Variants in KLF12 observed in about 807,000 individuals in gnomAD.
KLF12 encodes Krueppel-like factor 12.
Under a neutral mutation model 37.8 loss-of-function variants are expected in KLF12, and 9 were observed. The ratio of observed to expected loss-of-function variants is 0.24; its 90% CI spans 0.14 to 0.42. KLF12 has a LOEUF of 0.42. Among genes scored for constraint, KLF12 ranks in the 10% least tolerant of loss-of-function variants. The pLI, the probability that KLF12 is intolerant of heterozygous loss-of-function variation, is 1.00. For synonymous variants in KLF12, 208 were observed against 202.1 expected (o/e 1.03, Z -0.25); for missense variants, 411 against 516.0 (o/e 0.80, Z 1.97).
chr13:74,269,284 G>GTC, the KLF12 span, among the ~76,000 whole-genome samples: 24 of 151,826 alleles, frequency 1.6e-4, no homozygotes, highest in Non-Finnish European at 2.6e-4. Flanking sequence ...TACTTGCTCT[G>GTC]TCTCTCTCTC....
intron 4 of KLF12, among the ~76,000 whole-genome samples, chr13:73,826,472 T>C (rs189060921): frequency 6.6e-6 from 1 of 152,316 alleles, no homozygotes; most frequent in East Asian, 1.9e-4. Context: ...TCATGTCAAG[T>C]CATTTCTTAG....
chr13:73,934,605 T>C (rs1334547145), intron 3 of KLF12, among the ~76,000 whole-genome samples: 1 of 152,168 alleles, frequency 6.6e-6, no homozygotes, highest in African/African-American at 2.4e-5. Context: ...TTATCTTCCT[T>C]CATGTGTAAG....
chr13:73,733,065 A>G (rs1171696769), intron 6 of KLF12, among the ~76,000 whole-genome samples: 2 of 152,160 alleles, frequency 1.3e-5, no homozygotes, highest in Admixed American at 6.5e-5. Context: ...TTATCTGGCT[A>G]CCTGCTATAG....
chr13:73,716,596 T>C (rs1875826131), intron 6 of KLF12, among the ~76,000 whole-genome samples: 1 of 152,224 alleles, frequency 6.6e-6, no homozygotes, highest in Admixed American at 6.5e-5. Flanking sequence ...GAAGAGCCTC[T>C]ATCCTGAGTT....
intron 1 of KLF12, among the ~76,000 whole-genome samples, chr13:74,104,887 G>T (rs576723257): frequency 1.3e-5 from 2 of 152,200 alleles, no homozygotes; most frequent in African/African-American, 4.8e-5. Flanking sequence ...AATTGGGTTA[G>T]GTTCCCCCCT....
intron 1 of KLF12, among the ~76,000 whole-genome samples, chr13:74,017,679 C>T (rs111656702): frequency 0.044 from 6,524 of 149,878 alleles, 210 homozygotes; most frequent in African/African-American, 0.083. Flanking sequence ...GATAAGTTGG[C>T]GACTGTCAAA....
At chr13:74,066,206 C>G (rs76817427) in intron 1 of KLF12, among the ~76,000 whole-genome samples, 5 of 152,016 alleles carry the variant, frequency 3.3e-5, no homozygotes, top group Admixed American at 1.3e-4. Context: ...TCAGACTGTA[C>G]GATGTTATTC....
At chr13:73,807,325 A>G (rs1052169497) in intron 5 of KLF12, among the ~76,000 whole-genome samples, 2 of 150,600 alleles carry the variant, frequency 1.3e-5, no homozygotes, top group Admixed American at 6.6e-5. Flanking sequence ...AAAAAAAATC[A>G]TAACATTCAA....
intron 2 of KLF12, among the ~76,000 whole-genome samples, chr13:73,987,325 T>C (rs1232378059): frequency 3.3e-5 from 5 of 152,138 alleles, no homozygotes; most frequent in African/African-American, 1.2e-4. Flanking sequence ...TACATAAAAC[T>C]ATATAGATAT....
chr13:73,758,898 C>T (rs1187056441), intron 6 of KLF12, among the ~76,000 whole-genome samples: 2 of 152,028 alleles, frequency 1.3e-5, no homozygotes, highest in African/African-American at 4.8e-5. Flanking sequence ...GAAAATTAGG[C>T]CAAAGTTCTT....
At chr13:74,211,513 A>G in the KLF12 span, among the ~76,000 whole-genome samples, 1 of 152,190 alleles carries the variant, frequency 6.6e-6, no homozygotes, top group South Asian at 2.1e-4. Context: ...GCTAAAGGAA[A>G]TCAAGCAGAA....
intron 4 of KLF12, among the ~76,000 whole-genome samples, chr13:73,821,565 C>T (rs1209885524): frequency 6.6e-6 from 1 of 152,194 alleles, no homozygotes; most frequent in Non-Finnish European, 1.5e-5. Context: ...CACTGCTTTT[C>T]ATCGACTTCC....
At chr13:73,773,784 T>C (rs901148314) in intron 5 of KLF12, among the ~76,000 whole-genome samples, 1 of 152,194 alleles carries the variant, frequency 6.6e-6, no homozygotes, top group African/African-American at 2.4e-5. Flanking sequence ...CCAAGCTTCA[T>C]GATGCTACAA....
intron 2 of KLF12, among the ~76,000 whole-genome samples, chr13:73,978,612 T>C (rs1300796336): frequency 1.3e-5 from 2 of 152,206 alleles, no homozygotes; most frequent in Non-Finnish European, 1.5e-5. Flanking sequence ...TTTTATTTTT[T>C]AACCTCCCAA....
At chr13:73,744,330 A>G (rs1878214105) in intron 6 of KLF12, among the ~76,000 whole-genome samples, 1 of 152,330 alleles carries the variant, frequency 6.6e-6, no homozygotes, top group South Asian at 2.1e-4. Flanking sequence ...CACTGACAAA[A>G]TGGGGTCAAT....
At chr13:73,791,029 T>C (rs1213068294) in intron 5 of KLF12, among the ~76,000 whole-genome samples, 1 of 152,244 alleles carries the variant, frequency 6.6e-6, no homozygotes, top group African/African-American at 2.4e-5. Context: ...TTGAAAGACA[T>C]GTTCTGCATT....
chr13:73,883,752 T>C (rs1269230434), intron 3 of KLF12, among the ~76,000 whole-genome samples: 1 of 152,204 alleles, frequency 6.6e-6, no homozygotes, highest in African/African-American at 2.4e-5. Flanking sequence ...TGACAAAAGG[T>C]AGGGCATTTG....
At chr13:74,055,294 A>C (rs749894664) in intron 1 of KLF12, among the ~76,000 whole-genome samples, 4 of 152,350 alleles carry the variant, frequency 2.6e-5, no homozygotes, top group Admixed American at 6.5e-5. Context: ...ATTTACTTAC[A>C]TGTCTTTAAA....
chr13:73,925,052 A>G (rs1475748415), intron 3 of KLF12, among the ~76,000 whole-genome samples: 1 of 152,232 alleles, frequency 6.6e-6, no homozygotes, highest in East Asian at 1.9e-4. Context: ...GTTTAAGGAC[A>G]GAAACTGTCT....
Sources: allele counts gnomAD v4.1 joint callset (sites outside exome capture counted in the v4.1 genomes callset), GRCh38; gene constraint gnomAD v4.1.1; transcripts MANE v1.5; gene names NCBI Gene and HGNC (gene_info 2026-07-23, HGNC 2026-07-21).